Variants in SCFD2 observed in about 807,000 individuals in gnomAD.
SCFD2 encodes the protein sec1 family domain-containing protein 2.
SCFD2 carries 54 observed loss-of-function variants against 58.9 expected under a neutral mutation model. That is an observed-to-expected ratio of 0.92 (90% CI 0.74 to 1.15). SCFD2 has a LOEUF of 1.15. SCFD2 is among the 50% of genes most tolerant of loss of function. The pLI is 0.00. For synonymous variants in SCFD2, 321 were observed against 335.9 expected, an observed-to-expected ratio of 0.96 and a Z score of 0.49; for missense variants, 805 against 836.6, an observed-to-expected ratio of 0.96 and a Z score of 0.47.
At chr4:53,279,989 T>C (rs934119595) in intron 3 of SCFD2, among the ~76,000 whole-genome samples, 4 of 152,236 alleles carry the variant, frequency 2.6e-5, no homozygotes, top group Non-Finnish European at 5.9e-5. Flanking sequence ...ACATGAGATT[T>C]GGGTGAGGAC....
At chr4:52,896,846 G>A (rs1719028673) in intron 7 of SCFD2, among the ~76,000 whole-genome samples, 1 of 152,182 alleles carries the variant, frequency 6.6e-6, no homozygotes, top group Admixed American at 6.5e-5. Flanking sequence ...CTGAGCAGTG[G>A]TTTGTAGTTC....
intron 4 of SCFD2, among the ~76,000 whole-genome samples, chr4:53,248,922 T>A (rs781155385): frequency 3.6e-4 from 55 of 152,336 alleles, no homozygotes; most frequent in Non-Finnish European, 7.5e-4. Context: ...AGGAACGCAG[T>A]TCCTCACCAG....
intron 4 of SCFD2, among the ~76,000 whole-genome samples, chr4:53,239,715 C>T (rs12512129): frequency 6.6e-6 from 1 of 152,090 alleles, no homozygotes; most frequent in Non-Finnish European, 1.5e-5. Context: ...AACTCCTGAC[C>T]TCAGGTGATC....
At chr4:53,347,244 C>T (rs1734084445) in intron 2 of SCFD2, among the ~76,000 whole-genome samples, 1 of 152,214 alleles carries the variant, frequency 6.6e-6, no homozygotes, top group African/African-American at 2.4e-5. Context: ...GATCCCCATG[C>T]CCTCTTCCAG....
intron 5 of SCFD2, among the ~76,000 whole-genome samples, chr4:53,023,003 A>C (rs1187435081): frequency 6.6e-6 from 1 of 152,174 alleles, no homozygotes; most frequent in Non-Finnish European, 1.5e-5. Context: ...AAAAGGCTAA[A>C]AGAGCCACAT....
chr4:53,205,139 C>T (rs375722506), intron 4 of SCFD2, among the ~76,000 whole-genome samples: 13 of 151,964 alleles, frequency 8.6e-5, no homozygotes, highest in East Asian at 7.7e-4. Flanking sequence ...ACAGGGTAGA[C>T]GAAAAGGGAA....
At chr4:52,900,805 T>G (rs1171688034) in intron 7 of SCFD2, among the ~76,000 whole-genome samples, 5 of 152,196 alleles carry the variant, frequency 3.3e-5, no homozygotes, top group African/African-American at 1.2e-4. Flanking sequence ...CGAGCTTCCC[T>G]GTCGCTTTGT....
chr4:53,154,871 C>T (rs1160185307), intron 4 of SCFD2, among the ~76,000 whole-genome samples: 1 of 152,090 alleles, frequency 6.6e-6, no homozygotes, highest in Non-Finnish European at 1.5e-5. Flanking sequence ...CAGAGAGATT[C>T]AACATTTATG....
chr4:53,256,424 C>T (rs1464102963), intron 4 of SCFD2, among the ~76,000 whole-genome samples: 1 of 151,734 alleles, frequency 6.6e-6, no homozygotes, highest in African/African-American at 2.4e-5. Context: ...GGGCTCCTCA[C>T]ATCCCAGACG....
chr4:53,005,609 T>C (rs959290006), intron 5 of SCFD2, among the ~76,000 whole-genome samples: 7 of 152,274 alleles, frequency 4.6e-5, no homozygotes, highest in African/African-American at 1.4e-4. Flanking sequence ...GGAAAGATGA[T>C]TCATTTTCTT....
At chr4:53,247,579 G>A (rs1243241442) in intron 4 of SCFD2, among the ~76,000 whole-genome samples, 1 of 152,132 alleles carries the variant, frequency 6.6e-6, no homozygotes, top group Non-Finnish European at 1.5e-5. Context: ...ACAAGATCAG[G>A]CCGGGCGCGG....
chr4:53,154,313 A>G (rs1247241227), intron 4 of SCFD2, among the ~76,000 whole-genome samples: 1 of 152,206 alleles, frequency 6.6e-6, no homozygotes, highest in Non-Finnish European at 1.5e-5. Flanking sequence ...AAGCTTTACA[A>G]TCATGGTAGA....
intron 4 of SCFD2, among the ~76,000 whole-genome samples, chr4:53,226,382 T>C (rs1729216619): frequency 6.6e-6 from 1 of 152,038 alleles, no homozygotes; most frequent in South Asian, 2.1e-4. Context: ...CTGATAAACA[T>C]TATTGATGTA....
At chr4:53,115,191 G>A (rs538258192) in intron 5 of SCFD2, among the ~76,000 whole-genome samples, 162 of 152,164 alleles carry the variant, frequency 1.1e-3, no homozygotes, top group African/African-American at 3.7e-3. Flanking sequence ...AGAGATTATA[G>A]ACTGAATTTT....
chr4:52,900,579 T>G (rs1719163611), intron 7 of SCFD2, among the ~76,000 whole-genome samples: 1 of 152,226 alleles, frequency 6.6e-6, no homozygotes, highest in African/African-American at 2.4e-5. Flanking sequence ...GTTAGGCTAC[T>G]CGGGGGTCAG....
At chr4:53,060,818 C>T (rs1431348832) in intron 5 of SCFD2, among the ~76,000 whole-genome samples, 2 of 151,968 alleles carry the variant, frequency 1.3e-5, no homozygotes, top group East Asian at 1.9e-4. Context: ...AATAGATAAA[C>T]AGCAATAGAT....
intron 5 of SCFD2, among the ~76,000 whole-genome samples, chr4:52,968,885 G>A (rs866776891): frequency 2.0e-4 from 31 of 152,116 alleles, no homozygotes; most frequent in African/African-American, 7.0e-4. Flanking sequence ...TTGGCCAAAC[G>A]CCAGTTAGGC....
chr4:53,142,016 T>A (rs1309771494), intron 5 of SCFD2, among the ~76,000 whole-genome samples: 1 of 152,202 alleles, frequency 6.6e-6, no homozygotes, highest in African/African-American at 2.4e-5. Flanking sequence ...CCCAAAATAA[T>A]GTCTTACCAG....
chr4:53,210,222 G>C (rs920556473), intron 4 of SCFD2, among the ~76,000 whole-genome samples: 6 of 152,062 alleles, frequency 3.9e-5, no homozygotes, highest in Admixed American at 2.0e-4. Context: ...TAGGAGAATA[G>C]GTGAGTAGGG....
Sources: gnomAD v4.1 joint callset for allele counts (sites outside exome capture counted in the v4.1 genomes callset) on GRCh38, gnomAD v4.1.1 for gene constraint, MANE v1.5 for transcripts, NCBI Gene and HGNC (gene_info 2026-07-23, HGNC 2026-07-21) for gene names.